SEC63: variants seen among roughly 807,000 people sequenced by gnomAD.
SEC63 encodes SEC63 protein translocation regulator.
Under a neutral mutation model 116.2 loss-of-function variants are expected in SEC63, and 56 were observed. That is an observed-to-expected ratio of 0.48 (90% confidence interval 0.39 to 0.60). The LOEUF (loss-of-function observed/expected upper bound fraction) is 0.60, where lower values mean the gene tolerates loss of function less well. SEC63 is among the 20% of genes least tolerant of loss of function. The probability of loss-of-function intolerance (pLI) is 0.00; values close to 1 mark genes in which losing one functional copy is unlikely to be tolerated. For synonymous variants in SEC63, 273 were observed against 294.6 expected (o/e 0.93, Z 0.75); for missense variants, 668 against 900.0 (o/e 0.74, Z 3.30).
At chr6:107,951,047 C>A (rs941323752) in intron 1 of SEC63, among the ~76,000 whole-genome samples, 2 of 152,138 alleles carry the variant, frequency 1.3e-5, no homozygotes, top group Admixed American at 6.5e-5. Context: ...TATGCACTTA[C>A]AAATAATGGT....
intron 1 of SEC63, among the ~76,000 whole-genome samples, chr6:107,936,984 G>A (rs577692413): frequency 1.3e-5 from 2 of 152,224 alleles, no homozygotes; most frequent in East Asian, 3.9e-4. Context: ...CCACTTATAA[G>A]TCAGAACATG....
At position 107,921,907 on chromosome 6, in the gene SEC63, T is replaced by G. The variant is rs766643567; in HGVS notation, c.342A>C (p.Gly114=). ...NPYEVLNLDP[G]ATVAEIKKQY... ...GTTTTTTAATTTCTGCTACTGTGGC[T>G]CCCTGGGGAAAAACAAAAAAAAAAA... The change falls in exon 4 of 21, where the codon GGA becomes GGC. Residue 114 remains glycine, a splice_region_variant and synonymous_variant. Coordinates refer to ENST00000369002, the MANE Select transcript of SEC63 (RefSeq NM_007214.5). 1.9e-5 allele frequency: 22 copies of G among 1,184,984 alleles called. No homozygotes were observed. Among genetic ancestry groups the G allele is most frequent in the African/African-American group, 2.7e-5 (1 of 37,304 alleles). The allele number at this position is 1,184,984 out of a possible 1,614,324, so 73.4% of individuals were successfully genotyped here. A position where few individuals can be genotyped will look rare whatever the true frequency, so the allele number is the denominator to read the frequency against.
intron 5 of SEC63, 103 bp from the exon 6 acceptor site, chr6:107,912,877 C>A (rs1562326486): frequency 3.5e-6 from 3 of 861,430 alleles, no homozygotes; most frequent in East Asian, 2.6e-5. Flanking sequence ...AACTCTCCCC[C>A]ACAACACAAA....
At chr6:107,910,892 G>C (rs1157654137) in intron 7 of SEC63, among the ~76,000 whole-genome samples, 1 of 151,764 alleles carries the variant, frequency 6.6e-6, no homozygotes, top group African/African-American at 2.4e-5. Flanking sequence ...GACTAATTTT[G>C]TATTTTTAGT....
intron 13 of SEC63, among the ~76,000 whole-genome samples, chr6:107,899,319 T>C (rs1256262837): frequency 1.3e-5 from 2 of 152,230 alleles, no homozygotes; most frequent in African/African-American, 4.8e-5. Flanking sequence ...CTATCCAAGA[T>C]GCTATGGAGT....
intron 1 of SEC63, among the ~76,000 whole-genome samples, chr6:107,944,329 A>C (rs1770437768): frequency 6.6e-6 from 1 of 152,212 alleles, no homozygotes; most frequent in South Asian, 2.1e-4. Context: ...ATATTCATAG[A>C]AAGATCTCTA....
chr6:107,950,480 A>C (rs73502594), intron 1 of SEC63, among the ~76,000 whole-genome samples: 6,981 of 152,286 alleles, frequency 0.046, 532 homozygotes, highest in African/African-American at 0.16. Context: ...ATTGTTCAGA[A>C]GTGCCATGGG....
intron 1 of SEC63, among the ~76,000 whole-genome samples, chr6:107,942,526 A>G (rs1176506623): frequency 6.6e-6 from 1 of 151,584 alleles, no homozygotes; most frequent in African/African-American, 2.4e-5. Context: ...GAGGATATAG[A>G]AAAAAAACAA....
In SEC63 at chr6:107,894,207, G is replaced by A. The variant is rs374320724; in HGVS notation, c.1441-310C>T. Among the ~76,000 whole-genome samples, 33 of 152,224 alleles carry A rather than the reference G, an allele frequency of 2.2e-4. No individual in the cohort carries two copies. The South Asian group carries it at 2.7e-3, about 12-fold the overall frequency. ...TCACTTTTATTCTTAGCAAGCAAAC[G>A]TTGAGTATTTTAATGTTATGAGAAT... is the stretch of plus-strand genomic sequence containing the variant. On this transcript the variant is annotated intron_variant, in intron 14 of 20. Coordinates refer to ENST00000369002, the MANE Select transcript of SEC63 (RefSeq NM_007214.5).
At chr6:107,888,514 A>T (rs1786594335) in intron 16 of SEC63, among the ~76,000 whole-genome samples, 1 of 152,134 alleles carries the variant, frequency 6.6e-6, no homozygotes, top group Non-Finnish European at 1.5e-5. Flanking sequence ...GGGTTTTCTA[A>T]ATATATAATC....
intron 4 of SEC63, among the ~76,000 whole-genome samples, chr6:107,914,009 C>T (rs932621751): frequency 6.6e-6 from 1 of 152,218 alleles, no homozygotes; most frequent in East Asian, 1.9e-4. Context: ...AAGCCAATTG[C>T]CAGAAGAACC....
chr6:107,906,792 G>C lies in SEC63; in HGVS notation c.734-15C>G, dbSNP rs762758931. 1.7e-5 allele frequency: 27 copies of C among 1,570,210 alleles called. No individual in the cohort carries two copies. The highest frequency in any genetic ancestry group is 6.7e-5 in the East Asian group (3 of 44,634). On this transcript the variant is annotated splice_polypyrimidine_tract_variant and intron_variant, in intron 8 of 20. Transcript: ENST00000369002. ...CATGATAAGACCTAACAAAACAAAA[G>C]AAATATGAAGGTAAATAAATATGCT...
chr6:107,936,421 CCAGA>C (rs1770244030), intron 1 of SEC63, among the ~76,000 whole-genome samples: 1 of 152,156 alleles, frequency 6.6e-6, no homozygotes, highest in Non-Finnish European at 1.5e-5. Context: ...TCAAGTTCTT[CCAGA>C]CAGTTTTTTA....
intron 16 of SEC63, among the ~76,000 whole-genome samples, chr6:107,886,324 C>A (rs1786527384): frequency 6.6e-6 from 1 of 152,156 alleles, no homozygotes; most frequent in African/African-American, 2.4e-5. Flanking sequence ...AAACATACAT[C>A]TGTATGTGTC....
chr6:107,876,485 A>T lies in SEC63; in HGVS notation c.2034+79T>A, dbSNP rs984527451. ...ATATGCTAAATATGATAAACTTTTT[A>T]AAAAAAAGATATATGAAGCAGCATG... On this transcript the variant is annotated intron_variant, in intron 19 of 20. Transcript: ENST00000369002. 1.8e-4 allele frequency: 164 copies of T among 887,516 alleles called. 1 individual carries two copies. The highest frequency in any genetic ancestry group is 3.2e-4 in the East Asian group (13 of 41,218). 55.0% of individuals were successfully genotyped at this position (887,516 alleles called of 1,614,324 possible). A position where few individuals can be genotyped will look rare whatever the true frequency, so the allele number is the denominator to read the frequency against.
At chr6:107,936,934 G>T (rs1770260946) in intron 1 of SEC63, among the ~76,000 whole-genome samples, 1 of 152,036 alleles carries the variant, frequency 6.6e-6, no homozygotes. Flanking sequence ...AGTGTCAATT[G>T]TTGCCATCAC....
chr6:107,927,795 A>T (rs1315935104), intron 2 of SEC63, among the ~76,000 whole-genome samples: 7 of 152,194 alleles, frequency 4.6e-5, no homozygotes, highest in African/African-American at 1.7e-4. Context: ...TAGTATTTGC[A>T]TATAACCTAT....
At chr6:107,914,811 G>A (rs1472489091) in intron 4 of SEC63, among the ~76,000 whole-genome samples, 2 of 152,048 alleles carry the variant, frequency 1.3e-5, no homozygotes, top group African/African-American at 2.4e-5. Flanking sequence ...GTCCCCTTCT[G>A]CCTTTGTGAT....
At chr6:107,930,381 C>T (rs1232276847) in intron 1 of SEC63, among the ~76,000 whole-genome samples, 3 of 151,590 alleles carry the variant, frequency 2.0e-5, no homozygotes, top group East Asian at 1.9e-4. Context: ...GAGGCTGAGG[C>T]GGGCAGATCA....
Sources: allele counts gnomAD v4.1 joint callset (sites outside exome capture counted in the v4.1 genomes callset), GRCh38; gene constraint gnomAD v4.1.1; transcripts MANE v1.5; gene names NCBI Gene and HGNC (gene_info 2026-07-23, HGNC 2026-07-21).